PKNOX2: variants seen among roughly 807,000 people sequenced by gnomAD.
The protein encoded by PKNOX2 is homeobox protein PKNOX2.
A neutral mutation model predicts 53.1 loss-of-function variants in PKNOX2; 14 were observed. That is an observed-to-expected ratio of 0.26 (90% CI 0.17 to 0.41). The LOEUF (loss-of-function observed/expected upper bound fraction) is 0.41. PKNOX2 is among the 10% of genes least tolerant of loss of function. The pLI is 1.00. For missense variants in PKNOX2, 496 were observed against 602.8 expected, an observed-to-expected ratio of 0.82 and a Z score of 1.85; for synonymous variants, 257 against 242.8, an observed-to-expected ratio of 1.06 and a Z score of -0.54.
At chr11:125,197,676 A>C (rs552293812) in intron 1 of PKNOX2, among the ~76,000 whole-genome samples, 129 of 151,726 alleles carry the variant, frequency 8.5e-4, no homozygotes, top group Non-Finnish European at 1.5e-3. Context: ...ACAACAACAA[A>C]AAAACACAGC....
intron 1 of PKNOX2, among the ~76,000 whole-genome samples, chr11:125,229,973 AT>A (rs1199420945): frequency 1.3e-5 from 2 of 152,202 alleles, no homozygotes; most frequent in Non-Finnish European, 2.9e-5. Context: ...TGGGATAAAT[AT>A]TAAGGTTAAC....
rs766738342 is a variant in PKNOX2, at chr11:125,367,935, C to A, written c.177C>A (p.Ala59=). ...CTGCCAGCACACCTGTGCCCAGTGC[C>A]CCCATCGACCCCCAGGCCCAGCTGG... ...SAAASTPVPS[A]PIDPQAQLEA... is the part of the protein sequence containing the mutation. The change falls in exon 5 of 13, where the codon GCC becomes GCA. Residue 59 remains alanine, a synonymous_variant. Coordinates refer to ENST00000298282, the MANE Select transcript of PKNOX2 (RefSeq NM_001382323.2). The A allele has an allele frequency of 5.6e-6, 9 of 1,613,460 alleles. No individual in the cohort carries two copies. The Admixed American group carries it at 1.5e-4, about 27-fold the overall frequency.
chr11:125,339,037 G>T (rs1432786609), intron 3 of PKNOX2, among the ~76,000 whole-genome samples: 1 of 152,200 alleles, frequency 6.6e-6, no homozygotes, highest in African/African-American at 2.4e-5. Context: ...CCTCCTCTGT[G>T]TCTGAGAGCA....
chr11:125,242,173 C>T (rs1272915065), intron 2 of PKNOX2, among the ~76,000 whole-genome samples: 6 of 152,138 alleles, frequency 3.9e-5, no homozygotes, highest in East Asian at 1.9e-4. Flanking sequence ...TGTCTCATTT[C>T]GCACATGCTC....
At chr11:125,412,279 C>G (rs1230387225) in intron 10 of PKNOX2, among the ~76,000 whole-genome samples, 1 of 152,200 alleles carries the variant, frequency 6.6e-6, no homozygotes, top group Non-Finnish European at 1.5e-5. Flanking sequence ...TGTGTTGACT[C>G]TGCCAGGACT....
intron 3 of PKNOX2, among the ~76,000 whole-genome samples, chr11:125,350,742 G>A (rs889973645): frequency 1.3e-5 from 2 of 152,178 alleles, no homozygotes; most frequent in Non-Finnish European, 2.9e-5. Flanking sequence ...CCGTCTCACA[G>A]TCTGAGGACG....
chr11:125,424,185 A>C (rs574048617), intron 10 of PKNOX2, among the ~76,000 whole-genome samples: 2 of 152,008 alleles, frequency 1.3e-5, no homozygotes, highest in East Asian at 3.9e-4. Context: ...GGGTGGTTAC[A>C]TGGGTGTTTG....
intron 1 of PKNOX2, among the ~76,000 whole-genome samples, chr11:125,199,089 C>T (rs1274675297): frequency 2.0e-5 from 3 of 152,194 alleles, no homozygotes; most frequent in Admixed American, 6.5e-5. Context: ...TATCTGCCCT[C>T]CTCGGCCTCC....
At chr11:125,408,627 C>T (rs1266373841) in intron 7 of PKNOX2, among the ~76,000 whole-genome samples, 1 of 152,186 alleles carries the variant, frequency 6.6e-6, no homozygotes, top group Non-Finnish European at 1.5e-5. Flanking sequence ...CTGGAGGAGA[C>T]GCCAAGGGGG....
At position 125,262,623 on chromosome 11, in the gene PKNOX2, C is replaced by G. The variant is rs139169617; in HGVS notation, c.-130+27508C>G. Among the ~76,000 whole-genome samples the G allele has an allele frequency of 9.1e-3, 1,389 of 152,186 alleles. 11 individuals carry two copies. The highest frequency in any genetic ancestry group is 0.012 in the Non-Finnish European group (831 of 67,996). On this transcript the variant is annotated intron_variant, in intron 2 of 12. Transcript: ENST00000298282. The stretch of plus-strand genomic sequence containing the variant: ...CAGCCCTCCCACCCTTCCTCCCTCC[C>G]TGTCCTTTCTCTACCCCACAGGCTT...
At chr11:125,290,609 C>T (rs1264353359) in intron 2 of PKNOX2, among the ~76,000 whole-genome samples, 1 of 152,214 alleles carries the variant, frequency 6.6e-6, no homozygotes. Flanking sequence ...ATTCATTACG[C>T]AGCATGGTAA....
At chr11:125,173,554 G>A (rs766739796) in intron 1 of PKNOX2, among the ~76,000 whole-genome samples, 63 of 152,272 alleles carry the variant, frequency 4.1e-4, no homozygotes, top group African/African-American at 1.3e-3. Flanking sequence ...TCCATTACTC[G>A]AATCTTTGGC....
At chr11:125,385,775 C>T (rs140587741) in intron 6 of PKNOX2, 53 bp downstream of exon 6, 10 of 1,560,022 alleles carry the variant, frequency 6.4e-6, no homozygotes, top group East Asian at 2.4e-5. Flanking sequence ...CCTCTGACCC[C>T]CTTCAAAATG....
rs575127470 is a variant in PKNOX2, at chr11:125,380,492, C to T, written c.228-5059C>T. Among the ~76,000 whole-genome samples, 32 of 152,180 alleles carry T rather than the reference C, an allele frequency of 2.1e-4. No homozygotes were observed. In the South Asian group the frequency reaches 6.3e-3, roughly 30 times the overall value. On this transcript the variant is annotated intron_variant, in intron 5 of 12. Coordinates refer to ENST00000298282, the MANE Select transcript of PKNOX2 (RefSeq NM_001382323.2). ...GTGAGCTCTTATGGAGGTCACATGT[C>T]CTCAGCTCTTTGGATATAAAGTCTA...
intron 2 of PKNOX2, among the ~76,000 whole-genome samples, chr11:125,287,077 T>G (rs1289889036): frequency 6.6e-6 from 1 of 152,222 alleles, no homozygotes; most frequent in African/African-American, 2.4e-5. Context: ...GACCTTTCTC[T>G]TTCTCAGGCA....
intron 1 of PKNOX2, among the ~76,000 whole-genome samples, chr11:125,174,747 G>C (rs1202852941): frequency 6.6e-6 from 1 of 152,118 alleles, no homozygotes; most frequent in Admixed American, 6.6e-5. Flanking sequence ...GGAGGGTCAG[G>C]GGGACAGAAA....
chr11:125,176,258 G>A (rs906843211), intron 1 of PKNOX2, among the ~76,000 whole-genome samples: 9 of 152,226 alleles, frequency 5.9e-5, no homozygotes, highest in African/African-American at 2.2e-4. Flanking sequence ...GTTGGCCTCT[G>A]CCAGGTCCTG....
chr11:125,383,531 C>G (rs1953400943), intron 5 of PKNOX2, among the ~76,000 whole-genome samples: 1 of 151,488 alleles, frequency 6.6e-6, no homozygotes, highest in Non-Finnish European at 1.5e-5. Flanking sequence ...GCAAGAGGAT[C>G]ACTTGAACCC....
intron 2 of PKNOX2, among the ~76,000 whole-genome samples, chr11:125,293,503 A>T (rs1368990475): frequency 6.6e-6 from 1 of 152,044 alleles, no homozygotes; most frequent in African/African-American, 2.4e-5. Context: ...TCCTTTTTCA[A>T]GTCTGTTTCC....
Sources: gnomAD v4.1 joint callset for allele counts (sites outside exome capture counted in the v4.1 genomes callset) on GRCh38, gnomAD v4.1.1 for gene constraint, MANE v1.5 for transcripts, NCBI Gene and HGNC (gene_info 2026-07-23, HGNC 2026-07-21) for gene names.